The following DNAJC1 variants were observed in gnomAD, a reference collection of about 807,000 sequenced individuals.
DNAJC1 encodes the protein dnaJ homolog subfamily C member 1.
In DNAJC1, 58 loss-of-function variants were observed where a neutral mutation model predicts 76.6. The observed-to-expected ratio is 0.76, with a 90% CI of 0.61 to 0.94. The LOEUF (loss-of-function observed/expected upper bound fraction) is 0.94. Among genes scored for constraint, DNAJC1 ranks in the 40% least tolerant of loss-of-function variants. The pLI is 0.00. For missense variants in DNAJC1, 689 were observed against 677.3 expected (o/e 1.02, Z -0.19); for synonymous variants, 258 against 267.9 (o/e 0.96, Z 0.36).
intron 1 of DNAJC1, among the ~76,000 whole-genome samples, chr10:21,935,408 T>C (rs1359235485): frequency 6.6e-6 from 1 of 151,972 alleles, no homozygotes; most frequent in African/African-American, 2.4e-5. Flanking sequence ...AATGAACACT[T>C]AGATCAATAG....
At chr10:21,771,182 TG>T (rs1438809173) in intron 9 of DNAJC1, among the ~76,000 whole-genome samples, 2 of 152,194 alleles carry the variant, frequency 1.3e-5, no homozygotes, top group South Asian at 2.1e-4. Flanking sequence ...TTAGTTCCAA[TG>T]TTTTTTTTAG....
At chr10:21,863,478 A>T (rs1835948999) in intron 8 of DNAJC1, among the ~76,000 whole-genome samples, 1 of 152,128 alleles carries the variant, frequency 6.6e-6, no homozygotes, top group Non-Finnish European at 1.5e-5. Context: ...CAGAGGAGGG[A>T]ACATTTCCCA....
At position 21,872,268 on chromosome 10, in the gene DNAJC1, T is replaced by TTTCGC. The variant is rs1405980010; in HGVS notation, c.978+10013_978+10014insGCGAA. Among the ~76,000 whole-genome samples the TTTCGC allele has an allele frequency of 1.7e-3, 263 of 151,516 alleles. 1 individual carries two copies. The highest frequency in any genetic ancestry group is 6.2e-3 in the African/African-American group (253 of 41,026). ...TTGTGTGTTTTTAGTAGAGACAGGGTTATGTTGGCCAGGCTGGTCTCAAAC... is the reference window on the plus strand; with the variant it reads ...TTGTGTGTTTTTAGTAGAGACAGGGTTTCGCTATGTTGGCCAGGCTGGTCTCAAAC... On this transcript the variant is annotated intron_variant, in intron 8 of 11. Coordinates refer to ENST00000376980, the MANE Select transcript of DNAJC1 (RefSeq NM_022365.4).
At chr10:21,955,130 G>A (rs1281950489) in intron 1 of DNAJC1, among the ~76,000 whole-genome samples, 1 of 152,112 alleles carries the variant, frequency 6.6e-6, no homozygotes, top group African/African-American at 2.4e-5. Flanking sequence ...AAATGTCCCT[G>A]GGCAGGGGGG....
chr10:21,912,116 A>G (rs910046734), intron 6 of DNAJC1, among the ~76,000 whole-genome samples: 1 of 152,200 alleles, frequency 6.6e-6, no homozygotes, highest in Non-Finnish European at 1.5e-5. Context: ...TACACAGCTT[A>G]TACTATAAAG....
intron 9 of DNAJC1, among the ~76,000 whole-genome samples, chr10:21,787,859 C>A (rs1834632173): frequency 1.3e-5 from 2 of 152,220 alleles, no homozygotes; most frequent in Admixed American, 1.3e-4. Context: ...TTTGCTCCCC[C>A]AGAGGAGTAG....
At chr10:21,779,437 C>T (rs1311382874) in intron 9 of DNAJC1, among the ~76,000 whole-genome samples, 1 of 152,214 alleles carries the variant, frequency 6.6e-6, no homozygotes, top group Non-Finnish European at 1.5e-5. Flanking sequence ...TGCTGTTCTG[C>T]AATATCCGCT....
At chr10:21,867,235 G>T (rs551469966) in intron 8 of DNAJC1, among the ~76,000 whole-genome samples, 1 of 152,134 alleles carries the variant, frequency 6.6e-6, no homozygotes, top group South Asian at 2.1e-4. Context: ...GAAAAGACCA[G>T]TAACTTAATG....
At chr10:21,807,069 T>C (rs1035028531) in intron 8 of DNAJC1, among the ~76,000 whole-genome samples, 2 of 152,144 alleles carry the variant, frequency 1.3e-5, no homozygotes, top group African/African-American at 4.8e-5. Context: ...AGCACTCTGG[T>C]ATTAAACAAT....
chr10:21,840,562 T>C (rs1835559132), intron 8 of DNAJC1, among the ~76,000 whole-genome samples: 1 of 152,164 alleles, frequency 6.6e-6, no homozygotes, highest in African/African-American at 2.4e-5. Flanking sequence ...GAAGGACTTC[T>C]TCAAGGAGAA....
chr10:21,800,210 G>C (rs1221961826), intron 9 of DNAJC1, among the ~76,000 whole-genome samples: 1 of 152,046 alleles, frequency 6.6e-6, no homozygotes, highest in Non-Finnish European at 1.5e-5. Flanking sequence ...GTTTTCTTTT[G>C]CAAGTAACAA....
intron 9 of DNAJC1, among the ~76,000 whole-genome samples, chr10:21,791,305 C>A (rs1404273400): frequency 6.6e-6 from 1 of 152,122 alleles, no homozygotes; most frequent in Admixed American, 6.6e-5. Flanking sequence ...AACTTTGACA[C>A]CCCACACTCA....
chr10:21,837,890 G>C (rs1488201178), intron 8 of DNAJC1, among the ~76,000 whole-genome samples: 1 of 145,638 alleles, frequency 6.9e-6, no homozygotes, highest in East Asian at 2.0e-4. Context: ...GCCCCCGCCC[G>C]GCCAGCCGCC....
At chr10:21,989,819 G>A (rs1838301412) in intron 1 of DNAJC1, among the ~76,000 whole-genome samples, 1 of 152,154 alleles carries the variant, frequency 6.6e-6, no homozygotes, top group Admixed American at 6.5e-5. Flanking sequence ...TCTTGCCTAG[G>A]TGTCTCAGAG....
chr10:21,905,127 T>C (rs564208783), intron 6 of DNAJC1, among the ~76,000 whole-genome samples: 3 of 151,850 alleles, frequency 2.0e-5, no homozygotes, highest in Non-Finnish European at 4.4e-5. Context: ...GAGACGAGTA[T>C]AAAAACCATT....
chr10:21,780,900 G>A (rs1834520376), intron 9 of DNAJC1, among the ~76,000 whole-genome samples: 1 of 152,154 alleles, frequency 6.6e-6, no homozygotes, highest in African/African-American at 2.4e-5. Context: ...GATGGAGGAA[G>A]ATCTACCAAG....
At chr10:21,848,023 G>A (rs1835688799) in intron 8 of DNAJC1, among the ~76,000 whole-genome samples, 3 of 152,096 alleles carry the variant, frequency 2.0e-5, no homozygotes, top group Admixed American at 6.5e-5. Flanking sequence ...GTAGTTTCTT[G>A]AAGAATGTCC....
At chr10:21,981,223 C>T (rs977296562) in intron 1 of DNAJC1, among the ~76,000 whole-genome samples, 2 of 152,146 alleles carry the variant, frequency 1.3e-5, no homozygotes, top group African/African-American at 4.8e-5. Flanking sequence ...TGTAGAATTA[C>T]ATTTTTCCCT....
intron 1 of DNAJC1, among the ~76,000 whole-genome samples, chr10:21,960,545 C>A (rs541376629): frequency 2.0e-5 from 3 of 151,932 alleles, no homozygotes; most frequent in African/African-American, 4.8e-5. Flanking sequence ...GACCTTGTCC[C>A]GACAAAAAAA....
Sources: gnomAD v4.1 joint callset for allele counts (sites outside exome capture counted in the v4.1 genomes callset) on GRCh38, gnomAD v4.1.1 for gene constraint, MANE v1.5 for transcripts, NCBI Gene and HGNC (gene_info 2026-07-23, HGNC 2026-07-21) for gene names.